The following AGTPBP1 variants were observed in gnomAD, a reference collection of about 807,000 sequenced individuals.
AGTPBP1 encodes ATP/GTP binding carboxypeptidase 1, also known as cytosolic carboxypeptidase 1.
AGTPBP1 carries 70 observed loss-of-function variants against 143.9 expected under a neutral mutation model. That is an observed-to-expected ratio of 0.49 (90% CI 0.40 to 0.59). The LOEUF is 0.59. Ranked by LOEUF, AGTPBP1 falls within the 20% of genes least tolerant of loss-of-function variation. The probability of loss-of-function intolerance (pLI) is 0.00; values close to 1 mark genes in which losing one functional copy is unlikely to be tolerated. For missense variants in AGTPBP1, 1,229 were observed against 1,464.5 expected, an observed-to-expected ratio of 0.84 and a Z score of 2.62; for synonymous variants, 463 against 500.2, an observed-to-expected ratio of 0.93 and a Z score of 0.99.
At chr9:85,563,294 G>A (rs1468331961) in intron 25 of AGTPBP1, among the ~76,000 whole-genome samples, 3 of 152,164 alleles carry the variant, frequency 2.0e-5, no homozygotes, top group Admixed American at 2.0e-4. Context: ...AGGGATACAT[G>A]GCTGTGAATG....
intron 23 of AGTPBP1, among the ~76,000 whole-genome samples, chr9:85,583,434 A>C (rs2133141254): frequency 6.6e-6 from 1 of 152,278 alleles, no homozygotes; most frequent in Admixed American, 6.5e-5. Flanking sequence ...GACTGTGTCT[A>C]ATGCAATTAC....
intron 19 of AGTPBP1, 77 bp downstream of exon 19, chr9:85,592,483 G>C (rs201920397): frequency 1.0e-6 from 1 of 996,824 alleles, no homozygotes; most frequent in Non-Finnish European, 1.4e-6. Flanking sequence ...CCTTATGTTA[G>C]AATATTTAAC....
Position 85,661,667 on chromosome 9 carries a change from A to G in AGTPBP1, c.663-694T>C, listed in dbSNP as rs572720535. ...TGAACGTAAATACTCAGTCACACAT[A>G]GTGAAATCAACTGCCGTTAATCAGC... On this transcript the variant is annotated intron_variant, in intron 8 of 25. Transcript: ENST00000357081. Among the ~76,000 whole-genome samples, 5 of 152,260 alleles carry G rather than the reference A, an allele frequency of 3.3e-5. No homozygotes were observed. The South Asian group carries it at 1.0e-3, about 32-fold the overall frequency.
intron 3 of AGTPBP1, among the ~76,000 whole-genome samples, chr9:85,689,007 A>G (rs993127598): frequency 6.6e-6 from 1 of 152,344 alleles, no homozygotes; most frequent in South Asian, 2.1e-4. Flanking sequence ...GAGACTATAC[A>G]TATTTTGTAT....
chr9:85,638,101 T>C (rs1325109410), intron 13 of AGTPBP1, among the ~76,000 whole-genome samples: 1 of 147,778 alleles, frequency 6.8e-6, no homozygotes, highest in Non-Finnish European at 1.5e-5. Flanking sequence ...ACGTTACTGC[T>C]TTGCTTTTTA....
At chr9:85,801,584 C>T in the AGTPBP1 span, among the ~76,000 whole-genome samples, 1 of 151,928 alleles carries the variant, frequency 6.6e-6, no homozygotes, top group Non-Finnish European at 1.5e-5. Flanking sequence ...AAAGCACTGT[C>T]ATTTAAATTG....
At chr9:85,695,557 T>C (rs1836169290) in intron 2 of AGTPBP1, among the ~76,000 whole-genome samples, 1 of 152,190 alleles carries the variant, frequency 6.6e-6, no homozygotes, top group Non-Finnish European at 1.5e-5. Context: ...ACCAAACTGT[T>C]CTAATAGTCA....
intron 14 of AGTPBP1, among the ~76,000 whole-genome samples, chr9:85,625,579 G>A (rs1222115985): frequency 6.6e-6 from 1 of 151,642 alleles, no homozygotes; most frequent in Non-Finnish European, 1.5e-5. Flanking sequence ...ATAATAAAAC[G>A]TTTTTAAAAA....
intron 2 of AGTPBP1, among the ~76,000 whole-genome samples, chr9:85,693,116 T>C (rs1835987808): frequency 6.6e-6 from 1 of 152,162 alleles, no homozygotes; most frequent in Admixed American, 6.5e-5. Flanking sequence ...TCAAAGACTT[T>C]TTACACTTAC....
At chr9:85,655,048 C>G in intron 11 of AGTPBP1, 95 bp downstream of exon 11, 1 of 1,136,916 alleles carries the variant, frequency 8.8e-7, no homozygotes, top group Middle Eastern at 2.3e-4. Flanking sequence ...GTAAGGCCTT[C>G]CTTTGCTGAG....
the AGTPBP1 span, among the ~76,000 whole-genome samples, chr9:85,757,080 A>G: frequency 6.6e-6 from 1 of 151,966 alleles, no homozygotes; most frequent in African/African-American, 2.4e-5. Flanking sequence ...CCATTGAATT[A>G]TATACTTTAT....
At chr9:85,650,568 A>T (rs1833102762) in intron 11 of AGTPBP1, among the ~76,000 whole-genome samples, 1 of 152,204 alleles carries the variant, frequency 6.6e-6, no homozygotes, top group Admixed American at 6.5e-5. Context: ...TCAACAGGTT[A>T]CTAGTAGTTA....
At chr9:85,631,303 C>A (rs922171215) in intron 14 of AGTPBP1, among the ~76,000 whole-genome samples, 2 of 152,240 alleles carry the variant, frequency 1.3e-5, no homozygotes, top group African/African-American at 4.8e-5. Context: ...CCTCCTGGTT[C>A]CCAGGCTTGT....
intron 11 of AGTPBP1, among the ~76,000 whole-genome samples, chr9:85,654,687 A>G (rs1833382254): frequency 6.6e-6 from 1 of 152,052 alleles, no homozygotes; most frequent in Non-Finnish European, 1.5e-5. Context: ...TACTAAAAAT[A>G]CAAAAATTAC....
the AGTPBP1 span, chr9:85,753,475 A>G: frequency 6.2e-7 from 1 of 1,600,828 alleles, no homozygotes; most frequent in Non-Finnish European, 8.5e-7. Flanking sequence ...TGGTTGTCTA[A>G]ATAGAGGTAA....
At chr9:85,757,181 C>G in the AGTPBP1 span, among the ~76,000 whole-genome samples, 1 of 152,154 alleles carries the variant, frequency 6.6e-6, no homozygotes, top group Non-Finnish European at 1.5e-5. Flanking sequence ...ATTCTCCCGT[C>G]TCAGCCTCCC....
chr9:85,716,210 C>G (rs1837695591), intron 1 of AGTPBP1, among the ~76,000 whole-genome samples: 1 of 152,204 alleles, frequency 6.6e-6, no homozygotes, highest in Non-Finnish European at 1.5e-5. Context: ...TTTGTCCTAT[C>G]AGCAGCATTT....
chr9:85,670,843 G>A lies in AGTPBP1; in HGVS notation c.569-1265C>T, dbSNP rs368337883. ...CTTAATTTTCTCTGTTTATTACTCCGTTATCCCTTCTAATTTCATGTCTAT... is the reference window on the plus strand; with the variant it reads ...CTTAATTTTCTCTGTTTATTACTCCATTATCCCTTCTAATTTCATGTCTAT... On this transcript the variant is annotated intron_variant, in intron 7 of 25. Transcript: ENST00000357081. 1.6e-4 allele frequency among the ~76,000 whole-genome samples: 25 copies of A among 152,198 alleles called. No individual in the cohort carries two copies. The South Asian group carries it at 3.5e-3, about 21-fold the overall frequency.
chr9:85,612,151 C>T (rs987040734), intron 17 of AGTPBP1, among the ~76,000 whole-genome samples: 2 of 152,130 alleles, frequency 1.3e-5, no homozygotes, highest in Admixed American at 1.3e-4. Flanking sequence ...GCTTCTAAAT[C>T]TCTTAGAACT....
Sources: gnomAD v4.1 joint callset for allele counts (sites outside exome capture counted in the v4.1 genomes callset) on GRCh38, gnomAD v4.1.1 for gene constraint, MANE v1.5 for transcripts, NCBI Gene and HGNC (gene_info 2026-07-23, HGNC 2026-07-21) for gene names.